THSD4: variants seen among roughly 807,000 people sequenced by gnomAD.
The protein encoded by THSD4 is thrombospondin type 1 domain containing 4.
Under a neutral mutation model 119.0 loss-of-function variants are expected in THSD4, and 69 were observed. The ratio of observed to expected loss-of-function variants is 0.58; its 90% CI spans 0.48 to 0.71. THSD4 has a LOEUF of 0.71. THSD4 is among the 30% of genes least tolerant of loss of function. The probability of loss-of-function intolerance (pLI) is 0.00; values close to 1 mark genes in which losing one functional copy is unlikely to be tolerated. For missense variants in THSD4, 1,393 were observed against 1,391.1 expected (o/e 1.00, Z -0.02); for synonymous variants, 524 against 540.4 (o/e 0.97, Z 0.42).
At chr15:71,670,179 C>G (rs999457758) in intron 8 of THSD4, among the ~76,000 whole-genome samples, 1 of 151,692 alleles carries the variant, frequency 6.6e-6, no homozygotes, top group Admixed American at 6.6e-5. Flanking sequence ...TTTGCTGCAC[C>G]CATTAACTCG....
chr15:71,386,740 A>G (rs1566964765), intron 6 of THSD4, among the ~76,000 whole-genome samples: 1 of 152,204 alleles, frequency 6.6e-6, no homozygotes. Context: ...GACCCCTAAA[A>G]TAGGTAGACT....
rs189097625 is a variant in THSD4, at chr15:71,151,330, T to C, written c.30-3533T>C. Among the ~76,000 whole-genome samples the C allele has an allele frequency of 7.1e-4, 108 of 151,926 alleles. 1 individual carries two copies. In the East Asian group the frequency reaches 0.02, roughly 28 times the overall value. On this transcript the variant is annotated intron_variant, in intron 2 of 17. Coordinates refer to ENST00000261862, the MANE Select transcript of THSD4 (RefSeq NM_024817.3). The stretch of plus-strand genomic sequence containing the variant: ...CTTACAAATATGTGGCTACTGTGTG[T>C]GCCAAGAGCTTTGAGGCACTGAGGT...
chr15:71,315,160 G>C (rs919941755), intron 6 of THSD4, among the ~76,000 whole-genome samples: 1 of 152,146 alleles, frequency 6.6e-6, no homozygotes, highest in Admixed American at 6.5e-5. Flanking sequence ...GGTGCCCTTT[G>C]TCCTCCCAGC....
At chr15:71,715,618 A>G (rs1567115507) in intron 8 of THSD4, among the ~76,000 whole-genome samples, 1 of 151,132 alleles carries the variant, frequency 6.6e-6, no homozygotes, top group Non-Finnish European at 1.5e-5. Context: ...TGTGTGTTGT[A>G]AAATCAAAGA....
At chr15:71,221,141 C>A (rs1445343680) in intron 4 of THSD4, among the ~76,000 whole-genome samples, 1 of 152,164 alleles carries the variant, frequency 6.6e-6, no homozygotes, top group Non-Finnish European at 1.5e-5. Context: ...ACTGAAGAGA[C>A]TCCTTGGTAG....
intron 8 of THSD4, among the ~76,000 whole-genome samples, chr15:71,700,498 C>T (rs1395102645): frequency 6.6e-6 from 1 of 152,060 alleles, no homozygotes; most frequent in Non-Finnish European, 1.5e-5. Context: ...CATCAATTTC[C>T]CCCAAATTAA....
intron 7 of THSD4, among the ~76,000 whole-genome samples, chr15:71,509,927 T>C (rs771323733): frequency 2.0e-5 from 3 of 152,198 alleles, no homozygotes; most frequent in Admixed American, 6.5e-5. Flanking sequence ...GAATTTTTTT[T>C]CTCCAGCAGG....
intron 7 of THSD4, among the ~76,000 whole-genome samples, chr15:71,532,463 G>T (rs9972356): frequency 1.2e-4 from 17 of 145,666 alleles, no homozygotes; most frequent in African/African-American, 4.2e-4. Context: ...GGCACATGCT[G>T]CCATGCCCAG....
chr15:71,499,988 G>T (rs2048086206), intron 7 of THSD4, among the ~76,000 whole-genome samples: 1 of 152,006 alleles, frequency 6.6e-6, no homozygotes, highest in Non-Finnish European at 1.5e-5. Context: ...AGTTCTTTTG[G>T]ATAGATACCC....
intron 10 of THSD4, 130 bp downstream of exon 10, chr15:71,731,347 A>G: frequency 1.2e-6 from 1 of 844,404 alleles, no homozygotes; most frequent in Non-Finnish European, 1.9e-6. Flanking sequence ...CATATTTCAA[A>G]GCCAAGGGGC....
chr15:71,763,244 T>C (rs1489554031), intron 15 of THSD4, among the ~76,000 whole-genome samples: 1 of 147,536 alleles, frequency 6.8e-6, no homozygotes, highest in Admixed American at 6.7e-5. Context: ...TTTCTGTAGA[T>C]GCGTGTTTTT....
intron 6 of THSD4, among the ~76,000 whole-genome samples, chr15:71,356,728 A>G (rs1333172471): frequency 6.6e-6 from 1 of 152,080 alleles, no homozygotes; most frequent in African/African-American, 2.4e-5. Flanking sequence ...GCCCTCTCTC[A>G]TGGTGGTCCA....
At chr15:71,317,736 C>A (rs1358416609) in intron 6 of THSD4, among the ~76,000 whole-genome samples, 1 of 152,092 alleles carries the variant, frequency 6.6e-6, no homozygotes, top group African/African-American at 2.4e-5. Context: ...TAGTTGAGGA[C>A]TGGGAATGGT....
chr15:71,698,678 C>G (rs144689618), intron 8 of THSD4, among the ~76,000 whole-genome samples: 1 of 137,650 alleles, frequency 7.3e-6, no homozygotes, highest in Non-Finnish European at 1.6e-5. Flanking sequence ...GTATATATTT[C>G]ACAAGTTCTT....
intron 15 of THSD4, among the ~76,000 whole-genome samples, chr15:71,764,710 G>T (rs1211801984): frequency 6.6e-6 from 1 of 152,246 alleles, no homozygotes; most frequent in Admixed American, 6.5e-5. Flanking sequence ...GACCTGGCTG[G>T]TGTGTTCCTG....
At chr15:71,590,779 G>A (rs1019795245) in intron 7 of THSD4, among the ~76,000 whole-genome samples, 15 of 151,980 alleles carry the variant, frequency 9.9e-5, no homozygotes, top group African/African-American at 1.5e-4. Flanking sequence ...CAAGGCAGGC[G>A]GATCATGAGG....
intron 8 of THSD4, among the ~76,000 whole-genome samples, chr15:71,715,591 G>T (rs1024046115): frequency 6.8e-6 from 1 of 147,558 alleles, no homozygotes; most frequent in Admixed American, 6.8e-5. Flanking sequence ...AAGCCACTGT[G>T]TGTGTATGTG....
intron 7 of THSD4, among the ~76,000 whole-genome samples, chr15:71,482,353 C>T (rs529694760): frequency 1.1e-4 from 16 of 148,958 alleles, no homozygotes; most frequent in South Asian, 2.1e-4. Context: ...TGCAGTGGCA[C>T]GATCTCGGCT....
At chr15:71,589,985 TTTAA>T in intron 7 of THSD4, among the ~76,000 whole-genome samples, 1 of 139,822 alleles carries the variant, frequency 7.2e-6, no homozygotes, top group Non-Finnish European at 1.6e-5. Flanking sequence ...ACAGAAACTT[TTTAA>T]AAATGTAAAA....
Sources: allele counts gnomAD v4.1 joint callset (sites outside exome capture counted in the v4.1 genomes callset), GRCh38; gene constraint gnomAD v4.1.1; transcripts MANE v1.5; gene names NCBI Gene and HGNC (gene_info 2026-07-23, HGNC 2026-07-21).